Variants in KIF4A observed in about 807,000 individuals in gnomAD.
The protein encoded by KIF4A is chromosome-associated kinesin KIF4A.
In KIF4A, 7 loss-of-function variants were observed where a neutral mutation model predicts 105.9. The observed-to-expected ratio is 0.07, with a 90% confidence interval of 0.04 to 0.12. The LOEUF (loss-of-function observed/expected upper bound fraction) is 0.12. Among genes scored for constraint, KIF4A ranks in the 10% least tolerant of loss-of-function variants. The pLI, the probability that KIF4A is intolerant of heterozygous loss-of-function variation, is 1.00. For missense variants in KIF4A, 558 were observed against 929.2 expected (o/e 0.60, Z 5.19); for synonymous variants, 281 against 331.3 (o/e 0.85, Z 1.65).
At chrX:70,372,853 G>A (rs1359854186) in intron 15 of KIF4A, among the ~76,000 whole-genome samples, 1 of 112,841 alleles carries the variant, frequency 8.9e-6, no homozygotes, top group Non-Finnish European at 1.9e-5. Flanking sequence ...AACCCTGTGA[G>A]GTAGGTGTTA....
chrX:70,347,247 C>T (rs1432663151), intron 13 of KIF4A, among the ~76,000 whole-genome samples: 4 of 87,336 alleles, frequency 4.6e-5, no homozygotes, highest in Non-Finnish European at 9.2e-5. Flanking sequence ...TACCCTTGTT[C>T]CCCTAACCAT....
At chrX:70,362,300 C>T in intron 15 of KIF4A, 1 of 341,652 alleles carries the variant, frequency 2.9e-6, no homozygotes, top group Non-Finnish European at 5.7e-6. Context: ...GGAAACTCAG[C>T]TCTTTCTCCG....
intron 15 of KIF4A, among the ~76,000 whole-genome samples, chrX:70,363,505 T>C (rs2086086536): frequency 9.0e-6 from 1 of 111,531 alleles, no homozygotes; most frequent in Admixed American, 9.6e-5. Flanking sequence ...TTTGGTTTTT[T>C]GTCCTTGCAA....
chrX:70,380,713 A>C (rs2086194178), intron 18 of KIF4A, among the ~76,000 whole-genome samples: 1 of 112,380 alleles, frequency 8.9e-6, no homozygotes, highest in African/African-American at 3.2e-5. Context: ...AATGGCATCT[A>C]AACTGGAAAA....
intron 15 of KIF4A, among the ~76,000 whole-genome samples, chrX:70,355,795 C>T (rs2086048640): frequency 2.7e-5 from 3 of 111,264 alleles, no homozygotes; most frequent in East Asian, 5.7e-4. Flanking sequence ...CAGTAGAGAA[C>T]GGATGGGGCT....
chrX:70,327,198 T>C (rs1218936482), intron 7 of KIF4A, among the ~76,000 whole-genome samples: 2 of 112,016 alleles, frequency 1.8e-5, no homozygotes, highest in African/African-American at 6.5e-5. Flanking sequence ...AGGCTTTCCT[T>C]CATATCCTAG....
chrX:70,413,231 G>C (rs1339482418), intron 28 of KIF4A, among the ~76,000 whole-genome samples: 2 of 112,277 alleles, frequency 1.8e-5, no homozygotes, highest in African/African-American at 3.2e-5. Flanking sequence ...TGTGGGGAGA[G>C]ACACATGGTA....
At chrX:70,394,023 G>A (rs925116423) in intron 20 of KIF4A, among the ~76,000 whole-genome samples, 7 of 107,881 alleles carry the variant, frequency 6.5e-5, no homozygotes, top group Non-Finnish European at 1.1e-4. Flanking sequence ...ATGCCACTAC[G>A]CCTGGCTAAT....
At chrX:70,294,968 G>A (rs1432109169) in intron 3 of KIF4A, among the ~76,000 whole-genome samples, 1 of 111,812 alleles carries the variant, frequency 8.9e-6, no homozygotes, top group Non-Finnish European at 1.9e-5. Context: ...TAGCTACCCT[G>A]GAGGCTCAGG....
intron 28 of KIF4A, among the ~76,000 whole-genome samples, chrX:70,416,162 C>A (rs2086343357): frequency 9.2e-6 from 1 of 109,141 alleles, no homozygotes; most frequent in South Asian, 4.0e-4. Flanking sequence ...CCACTGCGCC[C>A]AGCCAGGATG....
intron 3 of KIF4A, among the ~76,000 whole-genome samples, chrX:70,295,603 GGAAAA>G (rs1246450367): frequency 9.0e-6 from 1 of 110,612 alleles, no homozygotes; most frequent in Non-Finnish European, 1.9e-5. Flanking sequence ...TACAAACGGG[GGAAAA>G]GAAAACACAA....
intron 28 of KIF4A, among the ~76,000 whole-genome samples, chrX:70,410,508 T>C (rs138838290): frequency 3.6e-5 from 4 of 111,957 alleles, no homozygotes; most frequent in Non-Finnish European, 7.5e-5. Flanking sequence ...TCAGATTCCT[T>C]ACCTATGCAA....
chrX:70,369,736 CAT>C (rs746184155), intron 15 of KIF4A, among the ~76,000 whole-genome samples: 83 of 110,299 alleles, frequency 7.5e-4, no homozygotes, highest in Admixed American at 2.4e-3. Context: ...TACAGAATAA[CAT>C]ATATATATAT....
chrX:70,395,067 G>A (rs1421558974), intron 20 of KIF4A, among the ~76,000 whole-genome samples: 4 of 111,774 alleles, frequency 3.6e-5, no homozygotes, highest in Non-Finnish European at 5.6e-5. Flanking sequence ...CCAACATGGT[G>A]AAACCCCATC....
intron 10 of KIF4A, among the ~76,000 whole-genome samples, chrX:70,333,927 T>C (rs1052530974): frequency 5.3e-4 from 59 of 111,958 alleles, no homozygotes; most frequent in African/African-American, 1.9e-3. Context: ...TCTCTTCTTC[T>C]CCATTTGTTT....
intron 9 of KIF4A, among the ~76,000 whole-genome samples, chrX:70,330,930 A>C (rs943780993): frequency 4.5e-5 from 5 of 111,946 alleles, no homozygotes; most frequent in Non-Finnish European, 9.4e-5. Flanking sequence ...TGGATTCTGC[A>C]GGGCTGACCG....
chrX:70,371,235 C>CTT (rs71903097), intron 15 of KIF4A, among the ~76,000 whole-genome samples: 159 of 99,114 alleles, frequency 1.6e-3, no homozygotes, highest in East Asian at 7.7e-3. Flanking sequence ...ACTTCGTTTT[C>CTT]TTTTTTTTTT....
At chrX:70,384,504 C>T (rs780939404) in intron 18 of KIF4A, among the ~76,000 whole-genome samples, 1 of 110,220 alleles carries the variant, frequency 9.1e-6, no homozygotes, top group Non-Finnish European at 1.9e-5. Context: ...GGGTGGATCA[C>T]GAGGTCAGGA....
chrX:70,343,611 C>A, intron 11 of KIF4A, 92 bp from the exon 12 acceptor site: 1 of 792,630 alleles, frequency 1.3e-6, no homozygotes, highest in Non-Finnish European at 1.9e-6. Flanking sequence ...GACAGCCTCT[C>A]TACCTAGCTT....
Sources: allele counts gnomAD v4.1 joint callset (sites outside exome capture counted in the v4.1 genomes callset), GRCh38; gene constraint gnomAD v4.1.1; transcripts MANE v1.5; gene names NCBI Gene and HGNC (gene_info 2026-07-23, HGNC 2026-07-21).